The following GPC5 variants were observed in gnomAD, a reference collection of about 807,000 sequenced individuals.
GPC5 encodes glypican 5.
A neutral mutation model predicts 53.9 loss-of-function variants in GPC5; 47 were observed. The observed-to-expected ratio is 0.87, with a 90% CI of 0.69 to 1.11. The LOEUF is 1.11. Among genes scored for constraint, GPC5 ranks in the 50% most tolerant of loss-of-function variants. The pLI is 0.00. For synonymous variants in GPC5, 286 were observed against 263.3 expected, an observed-to-expected ratio of 1.09 and a Z score of -0.84; for missense variants, 748 against 713.1, an observed-to-expected ratio of 1.05 and a Z score of -0.56.
At chr13:91,911,489 G>A (rs1274251373) in intron 6 of GPC5, among the ~76,000 whole-genome samples, 1 of 152,122 alleles carries the variant, frequency 6.6e-6, no homozygotes, top group Admixed American at 6.6e-5. Context: ...CTTTCAGTGA[G>A]CCAAGATGGC....
At chr13:91,482,410 A>C (rs956656411) in intron 2 of GPC5, among the ~76,000 whole-genome samples, 1 of 152,166 alleles carries the variant, frequency 6.6e-6, no homozygotes, top group Admixed American at 6.5e-5. Flanking sequence ...TCTGTTCTTT[A>C]TAAATCACCC....
At chr13:92,150,268 C>T (rs779417347) in intron 7 of GPC5, among the ~76,000 whole-genome samples, 2 of 150,052 alleles carry the variant, frequency 1.3e-5, no homozygotes, top group Non-Finnish European at 3.0e-5. Context: ...TCAGATAAAA[C>T]CCTGCATGAT....
chr13:92,047,443 T>TG (rs59836982), intron 6 of GPC5, among the ~76,000 whole-genome samples: 1 of 124,154 alleles, frequency 8.1e-6, no homozygotes, highest in East Asian at 2.3e-4. Flanking sequence ...TATATATATA[T>TG]TTTTTTTTCC....
chr13:92,500,918 CAG>C lies in GPC5; in HGVS notation c.1561+355934_1561+355935del, dbSNP rs141451663. On this transcript the variant is annotated intron_variant, in intron 7 of 7. Coordinates refer to ENST00000377067, the MANE Select transcript of GPC5 (RefSeq NM_004466.6). ...GAATTGGAAACTTCAGGGGAGATTA[CAG>C]AGAGGGAGAGCTAAGGAAACCTAGT... Among the ~76,000 whole-genome samples, 166 of 152,196 alleles carry C rather than the reference CAG, an allele frequency of 1.1e-3. 1 individual carries two copies. The East Asian group carries it at 0.018, about 16-fold the overall frequency.
intron 7 of GPC5, among the ~76,000 whole-genome samples, chr13:92,678,350 C>G (rs1306909867): frequency 6.6e-6 from 1 of 152,132 alleles, no homozygotes; most frequent in African/African-American, 2.4e-5. Flanking sequence ...TATTATAAAA[C>G]AGAGAAGGCG....
intron 7 of GPC5, among the ~76,000 whole-genome samples, chr13:92,694,489 C>A (rs1307398714): frequency 1.3e-5 from 2 of 152,176 alleles, no homozygotes; most frequent in African/African-American, 4.8e-5. Context: ...AAGACATAGA[C>A]TCAAAGGAGA....
intron 2 of GPC5, among the ~76,000 whole-genome samples, chr13:91,540,374 A>G (rs1299952306): frequency 1.3e-5 from 2 of 152,162 alleles, no homozygotes; most frequent in Non-Finnish European, 2.9e-5. Context: ...CAGGCCACAT[A>G]CTGTATGATT....
chr13:92,421,056 G>A (rs1022631680), intron 7 of GPC5, among the ~76,000 whole-genome samples: 1 of 152,150 alleles, frequency 6.6e-6, no homozygotes, highest in Non-Finnish European at 1.5e-5. Flanking sequence ...GACATGGCTT[G>A]ATAGTTTTCC....
intron 2 of GPC5, among the ~76,000 whole-genome samples, chr13:91,653,641 G>C (rs2034773817): frequency 6.6e-6 from 1 of 152,060 alleles, no homozygotes; most frequent in Non-Finnish European, 1.5e-5. Flanking sequence ...TCCTTTTCCA[G>C]AACAATGTTG....
At chr13:91,664,822 C>T (rs953877063) in intron 2 of GPC5, among the ~76,000 whole-genome samples, 2 of 152,180 alleles carry the variant, frequency 1.3e-5, no homozygotes, top group Admixed American at 6.5e-5. Flanking sequence ...GACCATTAAC[C>T]ACAAGCTTTG....
At chr13:92,797,998 C>G (rs1876761534) in intron 7 of GPC5, among the ~76,000 whole-genome samples, 2 of 151,842 alleles carry the variant, frequency 1.3e-5, no homozygotes, top group African/African-American at 4.8e-5. Context: ...CCACTCTTCA[C>G]TTTTCCCCCC....
chr13:91,720,434 T>A lies in GPC5; in HGVS notation c.1021-8098T>A, dbSNP rs548837183. ...CAATAAATGCTTTCTGCATTTGTAG[T>A]TTGAGATAACTCACTCTTCTGAGAT... On this transcript the variant is annotated intron_variant, in intron 3 of 7. Coordinates refer to ENST00000377067, the MANE Select transcript of GPC5 (RefSeq NM_004466.6). Among the ~76,000 whole-genome samples the A allele has an allele frequency of 2.0e-5, 3 of 152,282 alleles. No homozygotes were observed. In the East Asian group the frequency reaches 5.8e-4, roughly 30 times the overall value.
At chr13:91,636,322 T>C (rs541295693) in intron 2 of GPC5, among the ~76,000 whole-genome samples, 88 of 151,982 alleles carry the variant, frequency 5.8e-4, no homozygotes, top group African/African-American at 2.1e-3. Context: ...TTATAATCTA[T>C]ATAATATGGA....
intron 6 of GPC5, among the ~76,000 whole-genome samples, chr13:92,067,011 T>A (rs1165194942): frequency 6.6e-6 from 1 of 152,046 alleles, no homozygotes; most frequent in East Asian, 1.9e-4. Flanking sequence ...TAGCCGCAAG[T>A]AAAGGATATA....
intron 5 of GPC5, among the ~76,000 whole-genome samples, chr13:91,836,004 C>T (rs1202828753): frequency 1.3e-5 from 2 of 151,946 alleles, no homozygotes; most frequent in Non-Finnish European, 2.9e-5. Flanking sequence ...TCTTTACCTG[C>T]CATGGGTACA....
chr13:91,908,727 C>T (rs1263850135), intron 6 of GPC5, among the ~76,000 whole-genome samples: 1 of 151,976 alleles, frequency 6.6e-6, no homozygotes, highest in South Asian at 2.1e-4. Context: ...AAATATTACC[C>T]TCCATTCTGC....
At chr13:92,082,675 T>A (rs2041305911) in intron 6 of GPC5, among the ~76,000 whole-genome samples, 1 of 152,356 alleles carries the variant, frequency 6.6e-6, no homozygotes, top group Middle Eastern at 3.4e-3. Context: ...TTGTAATTGA[T>A]AAATAAGAGT....
At chr13:92,667,555 T>C (rs1174182510) in intron 7 of GPC5, among the ~76,000 whole-genome samples, 1 of 152,088 alleles carries the variant, frequency 6.6e-6, no homozygotes, top group Non-Finnish European at 1.5e-5. Flanking sequence ...TCTGTGTAAT[T>C]AAGAAAGGAT....
chr13:91,525,300 A>G (rs1020824334), intron 2 of GPC5, among the ~76,000 whole-genome samples: 46 of 152,238 alleles, frequency 3.0e-4, no homozygotes, highest in African/African-American at 9.9e-4. Flanking sequence ...TTAAAGGAAG[A>G]TGTTTATATG....
Sources: gnomAD v4.1 joint callset for allele counts (sites outside exome capture counted in the v4.1 genomes callset) on GRCh38, gnomAD v4.1.1 for gene constraint, MANE v1.5 for transcripts, NCBI Gene and HGNC (gene_info 2026-07-23, HGNC 2026-07-21) for gene names.